STYK1: variants seen among roughly 807,000 people sequenced by gnomAD.
STYK1 encodes the protein STY kinase 1.
STYK1 carries 46 observed loss-of-function variants against 48.1 expected under a neutral mutation model. That is an observed-to-expected ratio of 0.96 (90% CI 0.75 to 1.22). The LOEUF is 1.22. Among genes scored for constraint, STYK1 ranks in the 50% most tolerant of loss-of-function variants. The pLI, the probability that STYK1 is intolerant of heterozygous loss-of-function variation, is 0.00. For missense variants in STYK1, 527 were observed against 521.1 expected (o/e 1.01, Z -0.11); for synonymous variants, 188 against 189.0 (o/e 0.99, Z 0.04).
chr12:10,632,994 T>C (rs568560248), intron 4 of STYK1, among the ~76,000 whole-genome samples: 1 of 152,232 alleles, frequency 6.6e-6, no homozygotes, highest in African/African-American at 2.4e-5. Context: ...TTGTATTCCA[T>C]TGAAACTGTG....
chr12:10,632,320 A>T (rs1226278666), intron 4 of STYK1, among the ~76,000 whole-genome samples: 1 of 152,218 alleles, frequency 6.6e-6, no homozygotes, highest in Admixed American at 6.5e-5. Flanking sequence ...AAGGCCTGGA[A>T]GCAACTAGGG....
intron 1 of STYK1, among the ~76,000 whole-genome samples, chr12:10,660,618 A>C (rs1947766637): frequency 9.2e-5 from 3 of 32,458 alleles, no homozygotes; most frequent in South Asian, 1.6e-3. Context: ...GATACAGGTC[A>C]CAGTGACATT....
At chr12:10,663,769 G>C (rs1456784081) in intron 1 of STYK1, among the ~76,000 whole-genome samples, 3 of 148,654 alleles carry the variant, frequency 2.0e-5, no homozygotes, top group Admixed American at 6.7e-5. Context: ...AATTTTGATA[G>C]GGATTATGTT....
intron 8 of STYK1, among the ~76,000 whole-genome samples, chr12:10,624,249 G>A (rs767191875): frequency 1.5e-4 from 23 of 148,866 alleles, no homozygotes; most frequent in Non-Finnish European, 2.2e-4. Context: ...GGTGAACCTT[G>A]TCTCTAAAAA....
chr12:10,622,564 C>T lies in STYK1; in HGVS notation c.967+74G>A, dbSNP rs1238676685. ...TACTGAAACCCTTTCAGAAAGCATACATCATCCACCCCTTAAATAAACACG... is the reference window on the plus strand; with the variant it reads ...TACTGAAACCCTTTCAGAAAGCATATATCATCCACCCCTTAAATAAACACG... On this transcript the variant is annotated intron_variant, in intron 9 of 10. Coordinates refer to ENST00000075503, the MANE Select transcript of STYK1 (RefSeq NM_018423.3). 3.2e-6 allele frequency: 5 copies of T among 1,558,962 alleles called. No individual in the cohort carries two copies. In the Admixed American group the frequency reaches 5.0e-5, roughly 16 times the overall value.
rs73264035 is a variant in STYK1, at chr12:10,639,918, A to T, written c.-194-2722T>A. ...AAGGCTGAAACCAAATTTTACTAAC[A>T]TACACTCAATTTGGAAAGAATGGAT... On this transcript the variant is annotated intron_variant, in intron 1 of 10. Transcript: ENST00000075503. Among the ~76,000 whole-genome samples the T allele has an allele frequency of 2.2e-3, 342 of 152,336 alleles. 1 individual carries two copies. Among genetic ancestry groups the T allele is most frequent in the African/African-American group, 7.9e-3 (330 of 41,582 alleles).
At chr12:10,646,303 G>C (rs899893913) in intron 1 of STYK1, among the ~76,000 whole-genome samples, 14 of 152,204 alleles carry the variant, frequency 9.2e-5, no homozygotes, top group African/African-American at 3.4e-4. Context: ...ATGAAATCCA[G>C]GCTGAAGTGG....
chr12:10,622,342 G>A (rs1865921360), intron 9 of STYK1, among the ~76,000 whole-genome samples: 1 of 152,138 alleles, frequency 6.6e-6, no homozygotes, highest in Non-Finnish European at 1.5e-5. Context: ...AGACCACTCT[G>A]GGAATTATCC....
intron 4 of STYK1, 100 bp downstream of exon 4, chr12:10,633,890 C>T (rs1947456110): frequency 2.1e-6 from 3 of 1,432,264 alleles, no homozygotes; most frequent in East Asian, 4.6e-5. Context: ...ATTGCAGGTA[C>T]CTAGACTTCT....
chr12:10,637,678 C>T (rs1947501576), intron 1 of STYK1, among the ~76,000 whole-genome samples: 1 of 152,134 alleles, frequency 6.6e-6, no homozygotes, highest in Non-Finnish European at 1.5e-5. Flanking sequence ...CTGGGCATAC[C>T]CACATATCCA....
chr12:10,621,793 G>A (rs1196930224), intron 10 of STYK1, 83 bp downstream of exon 10: 3 of 1,259,062 alleles, frequency 2.4e-6, no homozygotes, highest in African/African-American at 1.5e-5. Context: ...AGGATCATCT[G>A]AGCCCTTTGA....
At chr12:10,666,836 A>C (rs1947838740) in intron 1 of STYK1, among the ~76,000 whole-genome samples, 1 of 152,238 alleles carries the variant, frequency 6.6e-6, no homozygotes, top group South Asian at 2.1e-4. Context: ...GAGGAAACTT[A>C]TAAGGCAGAG....
Position 10,620,020 on chromosome 12 carries a change from G to A in STYK1, c.*124C>T. 9.2e-7 allele frequency: 1 copy of A among 1,086,300 alleles called. No homozygotes were observed. Among genetic ancestry groups the A allele is most frequent in the Non-Finnish European group, 1.4e-6 (1 of 731,520 alleles). The allele number at this position is 1,086,300 out of a possible 1,614,324, so 67.3% of individuals were successfully genotyped here. The stretch of plus-strand genomic sequence containing the variant: ...TCAGATTTCCCGAGAAATGTGTAAA[G>A]GAAGATCAAGAATCCATGTCCCATT... On this transcript the variant is annotated 3_prime_UTR_variant, in exon 11 of 11. Coordinates refer to ENST00000075503, the MANE Select transcript of STYK1 (RefSeq NM_018423.3).
chr12:10,640,128 A>G (rs150444106), intron 1 of STYK1, among the ~76,000 whole-genome samples: 58 of 152,232 alleles, frequency 3.8e-4, no homozygotes, highest in Non-Finnish European at 6.6e-4. Context: ...CTGATCCCCA[A>G]TCCTATTTCT....
intron 1 of STYK1, among the ~76,000 whole-genome samples, chr12:10,650,844 A>C (rs1947655151): frequency 6.6e-6 from 1 of 152,068 alleles, no homozygotes; most frequent in Non-Finnish European, 1.5e-5. Context: ...CTACTAAAAA[A>C]AAATACAAGA....
chr12:10,646,701 C>A (rs1947603475), intron 1 of STYK1, among the ~76,000 whole-genome samples: 1 of 152,178 alleles, frequency 6.6e-6, no homozygotes, highest in Non-Finnish European at 1.5e-5. Flanking sequence ...ATGTCAGAGA[C>A]CTTTGAGGCA....
At chr12:10,653,681 G>A (rs991105603) in intron 1 of STYK1, among the ~76,000 whole-genome samples, 3 of 152,134 alleles carry the variant, frequency 2.0e-5, no homozygotes, top group Admixed American at 6.5e-5. Flanking sequence ...AGAGCTACAG[G>A]AACATCAAGA....
At position 10,670,604 on chromosome 12, in the gene STYK1, A is replaced by G. The variant is rs578186490; in HGVS notation, c.-195+3362T>C. 2.6e-5 allele frequency among the ~76,000 whole-genome samples: 4 copies of G among 151,764 alleles called. No homozygotes were observed. In the South Asian group the frequency reaches 8.3e-4, roughly 31 times the overall value. On this transcript the variant is annotated intron_variant, in intron 1 of 10. Transcript: ENST00000075503. ...AGGGGTTAGAAAGACGTCAAAGGAT[A>G]TGAAAGGGTATGACCTTATTCCTCC...
intron 1 of STYK1, among the ~76,000 whole-genome samples, chr12:10,661,370 G>A (rs1006071417): frequency 2.6e-5 from 4 of 152,064 alleles, no homozygotes; most frequent in East Asian, 1.9e-4. Context: ...TTCTTGATCC[G>A]TGTCATCTCT....
Sources: gnomAD v4.1 joint callset for allele counts (sites outside exome capture counted in the v4.1 genomes callset) on GRCh38, gnomAD v4.1.1 for gene constraint, MANE v1.5 for transcripts, NCBI Gene and HGNC (gene_info 2026-07-23, HGNC 2026-07-21) for gene names.